Variants in PHACTR3 observed in about 807,000 individuals in gnomAD.
The protein encoded by PHACTR3 is protein phosphatase 1, regulatory subunit 123.
A neutral mutation model predicts 66.8 loss-of-function variants in PHACTR3; 16 were observed. The observed-to-expected ratio is 0.24, with a 90% CI of 0.16 to 0.36. The LOEUF (loss-of-function observed/expected upper bound fraction) is 0.36. Among genes scored for constraint, PHACTR3 ranks in the 10% least tolerant of loss-of-function variants. PHACTR3 has a pLI of 1.00. For synonymous variants in PHACTR3, 323 were observed against 292.1 expected (o/e 1.11, Z -1.08); for missense variants, 647 against 719.9 (o/e 0.90, Z 1.16).
chr20:59,846,729 A>G (rs1638901868), intron 12 of PHACTR3, among the ~76,000 whole-genome samples: 1 of 152,186 alleles, frequency 6.6e-6, no homozygotes, highest in Non-Finnish European at 1.5e-5. Flanking sequence ...ATGAGATTTT[A>G]AGAGTTTTAA....
At chr20:59,656,320 G>A (rs1196313180) in intron 1 of PHACTR3, among the ~76,000 whole-genome samples, 1 of 151,708 alleles carries the variant, frequency 6.6e-6, no homozygotes, top group Non-Finnish European at 1.5e-5. Flanking sequence ...TATTTTGGGG[G>A]TCTTATATTA....
intron 1 of PHACTR3, among the ~76,000 whole-genome samples, chr20:59,588,792 A>G (rs551146190): frequency 6.6e-6 from 1 of 152,334 alleles, no homozygotes; most frequent in East Asian, 1.9e-4. Flanking sequence ...GGACACGTGA[A>G]TTAACGAATG....
At chr20:59,816,912 T>A (rs1489634145) in intron 8 of PHACTR3, among the ~76,000 whole-genome samples, 2 of 152,138 alleles carry the variant, frequency 1.3e-5, no homozygotes, top group East Asian at 3.9e-4. Flanking sequence ...TGGTGGGATG[T>A]TGTGTAGTTA....
chr20:59,704,013 C>A (rs1430952272), intron 1 of PHACTR3, among the ~76,000 whole-genome samples: 1 of 152,154 alleles, frequency 6.6e-6, no homozygotes, highest in Non-Finnish European at 1.5e-5. Flanking sequence ...ACACTGGAAT[C>A]TTTGAAACCA....
chr20:59,696,777 A>G (rs1174153064), intron 1 of PHACTR3, among the ~76,000 whole-genome samples: 1 of 151,986 alleles, frequency 6.6e-6, no homozygotes, highest in East Asian at 1.9e-4. Flanking sequence ...AGGCTGATGG[A>G]CCCTGGGTGG....
At chr20:59,705,608 G>A (rs561194325) in intron 1 of PHACTR3, among the ~76,000 whole-genome samples, 28 of 148,844 alleles carry the variant, frequency 1.9e-4, no homozygotes, top group African/African-American at 6.7e-4. Context: ...GTGTAGATTG[G>A]TTCATCAGCT....
chr20:59,649,060 A>G (rs1046911077), intron 1 of PHACTR3, among the ~76,000 whole-genome samples: 3 of 152,136 alleles, frequency 2.0e-5, no homozygotes, highest in Non-Finnish European at 4.4e-5. Flanking sequence ...GAGTTGGATG[A>G]TTTTCCCCCA....
intron 4 of PHACTR3, among the ~76,000 whole-genome samples, chr20:59,758,024 A>G (rs1387966123): frequency 2.0e-5 from 3 of 152,196 alleles, no homozygotes; most frequent in Non-Finnish European, 4.4e-5. Flanking sequence ...GAGACCTGGC[A>G]GGTTATCCCT....
chr20:59,774,133 A>G, intron 6 of PHACTR3, 110 bp from the exon 7 acceptor site: 2 of 1,401,576 alleles, frequency 1.4e-6, no homozygotes, highest in South Asian at 1.5e-5. Flanking sequence ...AAGAGGTCAC[A>G]TGCATTTTGG....
intron 1 of PHACTR3, among the ~76,000 whole-genome samples, chr20:59,704,782 A>C (rs1382835232): frequency 3.3e-5 from 5 of 151,820 alleles, no homozygotes; most frequent in Admixed American, 3.3e-4. Context: ...TTTGAGAGCC[A>C]TTCTATTATG....
chr20:59,684,905 G>A (rs76504100), intron 1 of PHACTR3, among the ~76,000 whole-genome samples: 1,725 of 152,258 alleles, frequency 0.011, 33 homozygotes, highest in African/African-American at 0.038. Context: ...CATGTCCCAC[G>A]GCTCAGCATG....
chr20:59,805,371 C>A (rs912410992), intron 7 of PHACTR3, among the ~76,000 whole-genome samples: 1 of 152,134 alleles, frequency 6.6e-6, no homozygotes, highest in Non-Finnish European at 1.5e-5. Context: ...AGGACATGGG[C>A]GGGTGGGGGA....
At chr20:59,696,402 T>C (rs2037298331) in intron 1 of PHACTR3, among the ~76,000 whole-genome samples, 1 of 151,884 alleles carries the variant, frequency 6.6e-6, no homozygotes, top group Admixed American at 6.6e-5. Context: ...TGATGAAGAG[T>C]GGGGCCATGA....
chr20:59,737,252 C>T (rs1260284544), intron 1 of PHACTR3, among the ~76,000 whole-genome samples: 2 of 152,146 alleles, frequency 1.3e-5, no homozygotes, highest in Non-Finnish European at 2.9e-5. Flanking sequence ...TCAGTCGACA[C>T]CTGCCCTCGA....
At chr20:59,724,667 CT>C (rs768544669) in intron 1 of PHACTR3, among the ~76,000 whole-genome samples, 10 of 152,266 alleles carry the variant, frequency 6.6e-5, no homozygotes, top group African/African-American at 2.4e-4. Flanking sequence ...GTCAGTTAGC[CT>C]TTTGCAGTTA....
intron 10 of PHACTR3, 75 bp from the exon 11 acceptor site, chr20:59,841,320 G>C (rs1414144640): frequency 1.4e-6 from 2 of 1,409,022 alleles, no homozygotes; most frequent in Middle Eastern, 2.4e-4. Flanking sequence ...TTTAAGAGAA[G>C]TGCTGTTTGT....
At chr20:59,759,154 T>G (rs2039910547) in intron 4 of PHACTR3, among the ~76,000 whole-genome samples, 1 of 152,208 alleles carries the variant, frequency 6.6e-6, no homozygotes, top group African/African-American at 2.4e-5. Flanking sequence ...TGGGGCCACC[T>G]GCAGTTTGCT....
At chr20:59,800,929 C>G (rs921555888) in intron 7 of PHACTR3, among the ~76,000 whole-genome samples, 2 of 152,230 alleles carry the variant, frequency 1.3e-5, no homozygotes, top group African/African-American at 2.4e-5. Context: ...CCCGTGTACT[C>G]TATTCAATGT....
At chr20:59,755,475 A>G (rs1220045401) in intron 4 of PHACTR3, 111 bp downstream of exon 4, 13 of 1,256,228 alleles carry the variant, frequency 1.0e-5, no homozygotes. Context: ...ATTGTTCTCC[A>G]GAGAGCTGGG....
Sources: gnomAD v4.1 joint callset for allele counts (sites outside exome capture counted in the v4.1 genomes callset) on GRCh38, gnomAD v4.1.1 for gene constraint, MANE v1.5 for transcripts, NCBI Gene and HGNC (gene_info 2026-07-23, HGNC 2026-07-21) for gene names.